The following FAM209B variants were observed in gnomAD, a reference collection of about 807,000 sequenced individuals.
The protein encoded by FAM209B is protein FAM209B.
FAM209B carries 8 observed loss-of-function variants against 8.9 expected under a neutral mutation model. The observed-to-expected ratio is 0.90, with a 90% confidence interval of 0.53 to 1.62. The LOEUF is 1.62. Among genes scored for constraint, FAM209B ranks in the 40% most tolerant of loss-of-function variants. The probability of loss-of-function intolerance (pLI) is 0.00; values close to 1 mark genes in which losing one functional copy is unlikely to be tolerated. For missense variants in FAM209B, 175 were observed against 205.3 expected (o/e 0.85, Z 0.90); for synonymous variants, 67 against 75.0 (o/e 0.89, Z 0.55).
At position 56,536,276 on chromosome 20, in the gene FAM209B, A is replaced by C. The variant is rs1452936248; in HGVS notation, c.354A>C (p.Glu118Asp). The change falls in exon 2 of 2, where the codon GAA (glutamate) becomes GAC (aspartate). Residue 118 changes from glutamate to aspartate, a missense_variant. Glu to Asp is a conservative substitution (Grantham distance 45). Coordinates refer to ENST00000371325, the MANE Select transcript of FAM209B (RefSeq NM_001013646.4). Reference sequence around the variant, plus strand: ...ACTGTGTATTCAATACCTTAAACGAACTTGAAGTGGAGCTTTTGAAATTTG... The same window carrying C: ...ACTGTGTATTCAATACCTTAAACGACCTTGAAGTGGAGCTTTTGAAATTTG... Reference protein sequence around the residue: ...YKDCVFNTLNELEVELLKFVS... With the variant: ...YKDCVFNTLNDLEVELLKFVS... The C allele has an allele frequency of 3.1e-6, 5 of 1,613,354 alleles. No homozygotes were observed. Among genetic ancestry groups the C allele is most frequent in the Non-Finnish European group, 4.2e-6 (5 of 1,179,856 alleles).
chr20:56,535,310 G>A (rs191223902), intron 1 of FAM209B, among the ~76,000 whole-genome samples: 44 of 151,676 alleles, frequency 2.9e-4, no homozygotes, highest in Middle Eastern at 6.8e-3. Context: ...CTTGAACCCC[G>A]GCCGGGGGTG....
In FAM209B at chr20:56,536,359, A is replaced by T; in HGVS notation, c.437A>T (p.Lys146Met). 6.2e-7 allele frequency: 1 copy of T among 1,614,176 alleles called. No individual in the cohort carries two copies. The highest frequency in any genetic ancestry group is 8.5e-7 in the Non-Finnish European group (1 of 1,180,018). Residue 146 changes from lysine (K) to methionine (M), a missense_variant, in exon 2 of 2, where the codon AAG becomes ATG. By Grantham distance (95) the Lys-to-Met change is moderately conservative. This residue lies in a region of FAM209B where 166 missense variants were observed against 174.5 expected (regional missense o/e 0.95). Transcript: ENST00000371325. ...GCAACAGGCAGTGGCAGTAACCTCA[A>T]GCTTCGAAGGTCAGAGATGCCTGCA... is the stretch of plus-strand genomic sequence containing the variant. The part of the protein sequence containing the change: ...AMATGSGSNL[K>M]LRRSEMPADP...
rs1456772236 is a variant in FAM209B at position 56,536,196 on chromosome 20, G to A, written c.274G>A (p.Gly92Ser). The A allele has an allele frequency of 7.0e-6, 11 of 1,562,468 alleles. No homozygotes were observed. The highest frequency in any genetic ancestry group is 9.5e-6 in the Non-Finnish European group (11 of 1,155,334). The change falls in exon 2 of 2, where the codon GGC becomes AGC. Residue 92 changes from glycine to serine, a missense_variant. By Grantham distance (56) the Gly-to-Ser change is moderately conservative. This residue lies in a region of FAM209B where 166 missense variants were observed against 174.5 expected (regional missense o/e 0.95). Coordinates refer to ENST00000371325, the MANE Select transcript of FAM209B (RefSeq NM_001013646.4). ...NKEQSPPGLR[G>S]FPFRTPLKKN... ...GGAGCAGAGTCCTCCTGGCCTTCGA[G>A]GCTTCCCATTTCGCACTCCACTAAA...
rs3209183 is a variant in FAM209B at position 56,533,561 on chromosome 20, C to A, written c.220C>A (p.Gln74Lys). 992,918 of 1,613,552 alleles carry A rather than the reference C, an allele frequency of 0.62. 311,551 individuals carry two copies. The highest frequency in any genetic ancestry group is 0.92 in the African/African-American group (69,134 of 74,982). ...LFAVVPFVILQCQRDSEKNKE... is the reference protein window; with the variant it reads ...LFAVVPFVILKCQRDSEKNKE... ...TGCTGTTGTGCCGTTTGTGATACTG[C>A]AGTGTCAAAGAGACAGTGAGAAGAA... The change falls in exon 1 of 2, where the codon CAG becomes AAG. Residue 74 changes from glutamine (Q) to lysine (K), a missense_variant. This residue lies in a region of FAM209B where 166 missense variants were observed against 174.5 expected (regional missense o/e 0.95). Transcript: ENST00000371325.
Position 56,536,211 on chromosome 20 carries a change from A to G in FAM209B, c.289A>G (p.Thr97Ala). 2 of 1,576,952 alleles carry G rather than the reference A, an allele frequency of 1.3e-6. No homozygotes were observed. The highest frequency in any genetic ancestry group is 1.7e-6 in the Non-Finnish European group (2 of 1,161,150). Reference protein sequence around the residue: ...PPGLRGFPFRTPLKKNQNASL... With the variant: ...PPGLRGFPFRAPLKKNQNASL... ...TGGCCTTCGAGGCTTCCCATTTCGC[A>G]CTCCACTAAAGAAAAATCAAAATGC... Residue 97 changes from threonine (T) to alanine (A), a missense_variant, in exon 2 of 2, where the codon ACT becomes GCT. This residue lies in a region of FAM209B where 166 missense variants were observed against 174.5 expected (regional missense o/e 0.95). Transcript: ENST00000371325.
At position 56,533,312 on chromosome 20, in the gene FAM209B, G is replaced by T; in HGVS notation, c.-30G>T. On this transcript the variant is annotated 5_prime_UTR_variant, in exon 1 of 2. The change abolishes an upstream ATG in the 5' untranslated region. Coordinates refer to ENST00000371325, the MANE Select transcript of FAM209B (RefSeq NM_001013646.4). ...TTGCGAGGGCAAGCAAACCCGTCAT[G>T]AGCAACTCCCTTCCCCATCTCTGCT... is the stretch of plus-strand genomic sequence containing the variant. 1 of 1,611,758 alleles carries T rather than the reference G, an allele frequency of 6.2e-7. No homozygotes were observed. The highest frequency in any genetic ancestry group is 1.1e-5 in the South Asian group (1 of 90,904).
At chr20:56,535,643 G>T (rs919629873) in intron 1 of FAM209B, among the ~76,000 whole-genome samples, 1 of 151,784 alleles carries the variant, frequency 6.6e-6, no homozygotes, top group Non-Finnish European at 1.5e-5. Flanking sequence ...GGTGAGCCAA[G>T]ATCACACCAG....
chr20:56,535,221 CAAA>C (rs879921841), intron 1 of FAM209B, among the ~76,000 whole-genome samples: 1 of 132,080 alleles, frequency 7.6e-6, no homozygotes, highest in Non-Finnish European at 1.6e-5. Flanking sequence ...GACTCTGTCT[CAAA>C]AAAAAAAAAA....
At position 56,534,243 on chromosome 20, in the gene FAM209B, T is replaced by C. The variant is rs543101592; in HGVS notation, c.249+653T>C. Among the ~76,000 whole-genome samples, 3 of 152,286 alleles carry C rather than the reference T, an allele frequency of 2.0e-5. No individual in the cohort carries two copies. The South Asian group carries it at 6.2e-4, about 32-fold the overall frequency. On this transcript the variant is annotated intron_variant, in intron 1 of 1. Coordinates refer to ENST00000371325, the MANE Select transcript of FAM209B (RefSeq NM_001013646.4). ...GTTCCCTTGCTTTTTACATTTTTCCTAGTGCTTGACTTACTGAAAATTCCT... is the reference window on the plus strand; with the variant it reads ...GTTCCCTTGCTTTTTACATTTTTCCCAGTGCTTGACTTACTGAAAATTCCT...
chr20:56,536,186 T>C lies in FAM209B; in HGVS notation c.264T>C (p.Pro88=). ...TTTCTTGACAGGAGCAGAGTCCTCC[T>C]GGCCTTCGAGGCTTCCCATTTCGCA... ...DSEKNKEQSP[P]GLRGFPFRTP... is the part of the protein sequence containing the mutation. The change falls in exon 2 of 2, where the codon CCT becomes CCC. Residue 88 remains proline (P), a synonymous_variant. Transcript: ENST00000371325. The C allele has an allele frequency of 6.4e-7, 1 of 1,551,270 alleles. No homozygotes were observed. The highest frequency in any genetic ancestry group is 8.7e-7 in the Non-Finnish European group (1 of 1,150,800).
chr20:56,535,795 C>G (rs1397769300), intron 1 of FAM209B, among the ~76,000 whole-genome samples: 5 of 152,140 alleles, frequency 3.3e-5, no homozygotes, highest in Non-Finnish European at 7.3e-5. Flanking sequence ...AGCGTATTCT[C>G]CCCTAGAAAG....
chr20:56,536,428 G>T lies in FAM209B; in HGVS notation c.506G>T (p.Ser169Ile). ...VTICKIWGEE[S>I]SS ...ATCTGTAAAATATGGGGAGAAGAAA[G>T]CTCTAGCTGAATGGATTTGTGTGTC... Residue 169 changes from serine to isoleucine, a missense_variant, in exon 2 of 2, where the codon AGC becomes ATC. Physicochemically the swap from Ser to Ile is moderately radical, Grantham distance 142. Transcript: ENST00000371325. 1 of 1,591,176 alleles carries T rather than the reference G, an allele frequency of 6.3e-7. No homozygotes were observed. Among genetic ancestry groups the T allele is most frequent in the Non-Finnish European group, 8.6e-7 (1 of 1,168,736 alleles).
chr20:56,534,926 G>A (rs1015234500), intron 1 of FAM209B, among the ~76,000 whole-genome samples: 7 of 151,788 alleles, frequency 4.6e-5, no homozygotes, highest in Admixed American at 4.6e-4. Context: ...GCGCATGCCT[G>A]TAATCCCAGC....
chr20:56,536,356 T>C lies in FAM209B; in HGVS notation c.434T>C (p.Leu145Pro), dbSNP rs1985970658. 1 of 1,614,096 alleles carries C rather than the reference T, an allele frequency of 6.2e-7. No individual in the cohort carries two copies. The highest frequency in any genetic ancestry group is 8.5e-7 in the Non-Finnish European group (1 of 1,180,004). ...GAMATGSGSN[L>P]KLRRSEMPAD... ...ATGGCAACAGGCAGTGGCAGTAACCTCAAGCTTCGAAGGTCAGAGATGCCT... is the reference window on the plus strand; with the variant it reads ...ATGGCAACAGGCAGTGGCAGTAACCCCAAGCTTCGAAGGTCAGAGATGCCT... The change falls in exon 2 of 2, where the codon CTC becomes CCC. Residue 145 changes from leucine to proline, a missense_variant. Coordinates refer to ENST00000371325, the MANE Select transcript of FAM209B (RefSeq NM_001013646.4).
At chr20:56,536,047 C>T (rs1985959859) in intron 1 of FAM209B, 125 bp from the exon 2 acceptor site, 1 of 762,706 alleles carries the variant, frequency 1.3e-6, no homozygotes, top group African/African-American at 1.8e-5. Context: ...TGGCCATAGT[C>T]TGCCAGTGCC....
intron 1 of FAM209B, 144 bp from the exon 2 acceptor site, chr20:56,536,028 G>A: frequency 7.1e-6 from 4 of 563,964 alleles, no homozygotes; most frequent in South Asian, 4.1e-5. Flanking sequence ...ACAGGTGGAG[G>A]GCCAAATTTG....
chr20:56,533,950 G>T (rs1985869789), intron 1 of FAM209B, among the ~76,000 whole-genome samples: 1 of 152,152 alleles, frequency 6.6e-6, no homozygotes, highest in Admixed American at 6.6e-5. Flanking sequence ...GAGGTCGGGA[G>T]TTTGAGAACA....
intron 1 of FAM209B, among the ~76,000 whole-genome samples, chr20:56,534,824 C>T (rs1241911789): frequency 6.8e-6 from 1 of 146,720 alleles, no homozygotes; most frequent in African/African-American, 2.5e-5. Context: ...GAGGCCGAGG[C>T]GGACGGATCA....
At position 56,536,342 on chromosome 20, in the gene FAM209B, C is replaced by T. The variant is rs1222337856; in HGVS notation, c.420C>T (p.Gly140=). ...VQNLKGAMAT[G]SGSNLKLRRS... ...ATCTTAAAGGTGCCATGGCAACAGG[C>T]AGTGGCAGTAACCTCAAGCTTCGAA... is the stretch of plus-strand genomic sequence containing the variant. Residue 140 remains glycine (G), a synonymous_variant, in exon 2 of 2, where the codon GGC becomes GGT. Transcript: ENST00000371325. The T allele has an allele frequency of 2.5e-6, 4 of 1,613,810 alleles. No individual in the cohort carries two copies. Among genetic ancestry groups the T allele is most frequent in the Admixed American group, 1.7e-5 (1 of 60,002 alleles).
Sources: allele counts gnomAD v4.1 joint callset (sites outside exome capture counted in the v4.1 genomes callset), GRCh38; gene constraint gnomAD v4.1.1; regional missense constraint gnomAD v4.1.1; transcripts MANE v1.5; gene names NCBI Gene and HGNC (gene_info 2026-07-23, HGNC 2026-07-21).